Variants in IFT122 observed in about 807,000 individuals in gnomAD.
The protein encoded by IFT122 is intraflagellar transport 122, also known as intraflagellar transport protein 122 homolog.
A neutral mutation model predicts 161.6 loss-of-function variants in IFT122; 118 were observed. The observed-to-expected ratio is 0.73, with a 90% CI of 0.63 to 0.85. IFT122 has a LOEUF of 0.85. Ranked by LOEUF, IFT122 falls within the 40% of genes least tolerant of loss-of-function variation. The pLI, the probability that IFT122 is intolerant of heterozygous loss-of-function variation, is 0.00. For synonymous variants in IFT122, 550 were observed against 602.4 expected (o/e 0.91, Z 1.27); for missense variants, 1,381 against 1,579.6 (o/e 0.87, Z 2.13).
At chr3:129,516,276 GATTGCTCCTGCA>G (rs1177217431) in intron 26 of IFT122, among the ~76,000 whole-genome samples, 1 of 65,334 alleles carries the variant, frequency 1.5e-5, no homozygotes, top group Non-Finnish European at 2.7e-5. Context: ...CACACACACA[GATTGCTCCTGCA>G]CACACACACA....
At chr3:129,499,060 C>T (rs1020564326) in intron 18 of IFT122, among the ~76,000 whole-genome samples, 3 of 152,204 alleles carry the variant, frequency 2.0e-5, no homozygotes, top group African/African-American at 4.8e-5. Flanking sequence ...GATCTCTGAG[C>T]CTCCAGGACC....
chr3:129,488,169 C>T (rs777612170), intron 15 of IFT122, 88 bp from the exon 16 acceptor site: 9 of 1,601,960 alleles, frequency 5.6e-6, no homozygotes, highest in South Asian at 3.3e-5. Context: ...AATCATCCCA[C>T]GCATCTGGAG....
chr3:129,477,815 A>G (rs1162672063), intron 11 of IFT122, among the ~76,000 whole-genome samples: 1 of 152,238 alleles, frequency 6.6e-6, no homozygotes, highest in Admixed American at 6.5e-5. Context: ...GCCTTGGACC[A>G]TGAAGATTGT....
At chr3:129,506,000 AGC>A (rs2082152574) in intron 21 of IFT122, among the ~76,000 whole-genome samples, 1 of 152,208 alleles carries the variant, frequency 6.6e-6, no homozygotes, top group African/African-American at 2.4e-5. Context: ...TAGCAACAAA[AGC>A]ATTTTACCTC....
At chr3:129,450,822 A>G (rs1243633781) in intron 2 of IFT122, among the ~76,000 whole-genome samples, 20 of 146,498 alleles carry the variant, frequency 1.4e-4, no homozygotes, top group Admixed American at 1.4e-3. Flanking sequence ...CCGGGTTCAC[A>G]CCATTCTCCT....
chr3:129,464,888 G>C (rs2076548671), intron 7 of IFT122, 107 bp downstream of exon 7: 2 of 1,278,778 alleles, frequency 1.6e-6, no homozygotes, highest in Non-Finnish European at 1.1e-6. Flanking sequence ...TCACTTGAAT[G>C]GTCTGTTTTA....
At chr3:129,509,793 G>A (rs530293190) in intron 23 of IFT122, among the ~76,000 whole-genome samples, 34 of 152,316 alleles carry the variant, frequency 2.2e-4, no homozygotes, top group South Asian at 8.3e-4. Flanking sequence ...TTTAGAGAAA[G>A]CAGGCTAGTA....
chr3:129,460,935 TA>T, intron 4 of IFT122: 1 of 1,613,590 alleles, frequency 6.2e-7, no homozygotes, highest in East Asian at 2.2e-5. Flanking sequence ...CAGCCACAGA[TA>T]AAGCACCTAA....
chr3:129,512,267 A>C, intron 23 of IFT122, 45 bp from the exon 24 acceptor site: 2 of 1,366,338 alleles, frequency 1.5e-6, no homozygotes, highest in Non-Finnish European at 2.1e-6. Context: ...GCCCAGCAGC[A>C]GCTCTTGAAG....
rs746907640 is a variant in IFT122 at position 129,466,876 on chromosome 3, C to T, written c.564-14C>T. 5 of 1,612,826 alleles carry T rather than the reference C, an allele frequency of 3.1e-6. No individual in the cohort carries two copies. Among genetic ancestry groups the T allele is most frequent in the Non-Finnish European group, 4.2e-6 (5 of 1,178,778 alleles). On this transcript the variant is annotated splice_polypyrimidine_tract_variant and intron_variant, in intron 7 of 29. Transcript: ENST00000348417. ...TAGGCAATGTAATTTTGAACAACTA[C>T]TTACTGTCTACAGCCGATGGGAGAG...
At chr3:129,452,376 G>A (rs56742126) in intron 3 of IFT122, among the ~76,000 whole-genome samples, 15,539 of 127,890 alleles carry the variant, frequency 0.12, 1,210 homozygotes, top group African/African-American at 0.25. Context: ...TATGGAAGAA[G>A]AAAAAGTAGA....
At chr3:129,446,429 A>G (rs1030537421) in intron 1 of IFT122, among the ~76,000 whole-genome samples, 8 of 151,896 alleles carry the variant, frequency 5.3e-5, no homozygotes, top group Non-Finnish European at 1.2e-4. Flanking sequence ...GTTAGCCAGG[A>G]TGGTCTCAGT....
intron 18 of IFT122, among the ~76,000 whole-genome samples, chr3:129,496,439 G>A (rs924214980): frequency 2.6e-5 from 4 of 152,226 alleles, no homozygotes; most frequent in Non-Finnish European, 4.4e-5. Flanking sequence ...TTCTGGAAGT[G>A]TCAAAAGTGG....
intron 12 of IFT122, among the ~76,000 whole-genome samples, chr3:129,478,504 G>A (rs1311386334): frequency 2.0e-5 from 3 of 152,114 alleles, no homozygotes; most frequent in Non-Finnish European, 4.4e-5. Context: ...GCCCAGGCTG[G>A]AATGCAGTGG....
intron 9 of IFT122, among the ~76,000 whole-genome samples, chr3:129,475,651 C>A (rs1382317581): frequency 1.4e-4 from 21 of 148,828 alleles, no homozygotes; most frequent in Admixed American, 1.0e-3. Flanking sequence ...GACCCTTTTT[C>A]AAAAAAAAAA....
rs2084511611 is a variant in IFT122, at chr3:129,519,749, G to C, written c.3636+17G>C. On this transcript the variant is annotated intron_variant, in intron 29 of 29. Transcript: ENST00000348417. ...TGCTTCCAGGTAGGTGGCCACCCTG[G>C]TAGCTCACATGTGCTTCTCTTGGCC... The C allele has an allele frequency of 1.9e-6, 3 of 1,613,036 alleles. No individual in the cohort carries two copies. In the South Asian group the frequency reaches 3.3e-5, roughly 18 times the overall value.
chr3:129,455,703 A>G (rs2075394786), intron 3 of IFT122, among the ~76,000 whole-genome samples: 1 of 152,166 alleles, frequency 6.6e-6, no homozygotes, highest in Non-Finnish European at 1.5e-5. Context: ...TTAATAGCCT[A>G]CTGTTGACCA....
intron 9 of IFT122, among the ~76,000 whole-genome samples, chr3:129,472,503 A>G (rs2077468178): frequency 6.6e-6 from 1 of 152,180 alleles, no homozygotes; most frequent in African/African-American, 2.4e-5. Flanking sequence ...AATTATATTT[A>G]AAGTGTATAT....
chr3:129,496,102 C>T (rs975356736), intron 18 of IFT122, among the ~76,000 whole-genome samples: 1 of 152,180 alleles, frequency 6.6e-6, no homozygotes, highest in African/African-American at 2.4e-5. Context: ...AGAGCCTCCG[C>T]CCTCCCATGT....
Sources: allele counts gnomAD v4.1 joint callset (sites outside exome capture counted in the v4.1 genomes callset), GRCh38; gene constraint gnomAD v4.1.1; transcripts MANE v1.5; gene names NCBI Gene and HGNC (gene_info 2026-07-23, HGNC 2026-07-21).